Variants in PPFIA2 observed in about 807,000 individuals in gnomAD.
The protein encoded by PPFIA2 is PPFI scaffold protein A2.
PPFIA2 carries 46 observed loss-of-function variants against 175.5 expected under a neutral mutation model. That is an observed-to-expected ratio of 0.26 (90% CI 0.21 to 0.34). The LOEUF (loss-of-function observed/expected upper bound fraction) is 0.34, where lower values mean the gene tolerates loss of function less well. PPFIA2 is among the 10% of genes least tolerant of loss of function. PPFIA2 has a pLI of 1.00. For missense variants in PPFIA2, 1,179 were observed against 1,506.1 expected (o/e 0.78, Z 3.60); for synonymous variants, 568 against 511.4 (o/e 1.11, Z -1.49).
chr12:81,387,835 A>G (rs1025910047), intron 8 of PPFIA2, among the ~76,000 whole-genome samples: 1 of 152,072 alleles, frequency 6.6e-6, no homozygotes, highest in Non-Finnish European at 1.5e-5. Flanking sequence ...GGCCTTTCTG[A>G]GTTCAGTGTA....
At chr12:81,433,627 G>A (rs1408927000) in intron 7 of PPFIA2, among the ~76,000 whole-genome samples, 1 of 152,096 alleles carries the variant, frequency 6.6e-6, no homozygotes, top group Non-Finnish European at 1.5e-5. Flanking sequence ...TCAACATATT[G>A]CTGTTTATTG....
chr12:81,664,346 A>G lies in PPFIA2; in HGVS notation c.303+12445T>C, dbSNP rs572717438. ...AAGAACTCAAACAAATTTACAAGAA[A>G]AAAACAAAAAACCCCATCAAAAAGT... On this transcript the variant is annotated intron_variant, in intron 4 of 32. Transcript: ENST00000549396. 1.1e-4 allele frequency among the ~76,000 whole-genome samples: 16 copies of G among 152,262 alleles called. 1 individual carries two copies. Among genetic ancestry groups the G allele is most frequent in the African/African-American group, 3.9e-4 (16 of 41,520 alleles).
At chr12:81,381,796 T>G (rs1566568954) in intron 9 of PPFIA2, among the ~76,000 whole-genome samples, 5 of 152,164 alleles carry the variant, frequency 3.3e-5, no homozygotes, top group South Asian at 2.1e-4. Context: ...CTATCTCTTT[T>G]TTTTGTTTTG....
intron 3 of PPFIA2, among the ~76,000 whole-genome samples, chr12:81,721,329 T>G (rs1269587823): frequency 6.6e-6 from 1 of 151,366 alleles, no homozygotes; most frequent in Non-Finnish European, 1.5e-5. Context: ...CTAAGCTTAT[T>G]GCATTCCTCA....
chr12:81,684,015 G>A (rs2074075526), intron 3 of PPFIA2, among the ~76,000 whole-genome samples: 3 of 152,092 alleles, frequency 2.0e-5, no homozygotes, highest in Admixed American at 6.6e-5. Flanking sequence ...ATCTATTCAT[G>A]AGGGATCTGT....
chr12:81,425,822 GA>G, intron 7 of PPFIA2, among the ~76,000 whole-genome samples: 1 of 152,152 alleles, frequency 6.6e-6, no homozygotes, highest in Non-Finnish European at 1.5e-5. Flanking sequence ...TTTTCTACAT[GA>G]AAAATACCAT....
At chr12:81,582,505 C>T (rs532427214) in intron 4 of PPFIA2, among the ~76,000 whole-genome samples, 2 of 151,832 alleles carry the variant, frequency 1.3e-5, no homozygotes, top group South Asian at 4.1e-4. Context: ...TTTGACCCTT[C>T]TCTACAAAAG....
At chr12:81,523,870 A>G (rs1022250249) in intron 4 of PPFIA2, among the ~76,000 whole-genome samples, 2 of 152,202 alleles carry the variant, frequency 1.3e-5, no homozygotes, top group Non-Finnish European at 2.9e-5. Context: ...TTAATGAAAC[A>G]TCAGTTTGCC....
chr12:81,405,261 A>G (rs1384553390), intron 8 of PPFIA2, among the ~76,000 whole-genome samples: 1 of 152,176 alleles, frequency 6.6e-6, no homozygotes, highest in Non-Finnish European at 1.5e-5. Context: ...CATTAACAAG[A>G]GTACTGCTGA....
chr12:81,556,363 G>A (rs1037539463), intron 4 of PPFIA2, among the ~76,000 whole-genome samples: 2 of 151,864 alleles, frequency 1.3e-5, no homozygotes, highest in East Asian at 1.9e-4. Context: ...GTTTATTGGG[G>A]TCCTAACATT....
intron 4 of PPFIA2, among the ~76,000 whole-genome samples, chr12:81,588,500 G>A (rs958143490): frequency 1.3e-5 from 2 of 151,806 alleles, no homozygotes; most frequent in Admixed American, 6.6e-5. Context: ...TACTACTCAG[G>A]CAGACCTCTT....
At chr12:81,682,038 T>C (rs1200758134) in intron 3 of PPFIA2, among the ~76,000 whole-genome samples, 6 of 152,072 alleles carry the variant, frequency 3.9e-5, no homozygotes, top group Admixed American at 1.3e-4. Flanking sequence ...TTGTCAATTA[T>C]GGGCATTTTA....
At chr12:81,414,134 C>A (rs1461965312) in intron 7 of PPFIA2, among the ~76,000 whole-genome samples, 3 of 151,712 alleles carry the variant, frequency 2.0e-5, no homozygotes, top group Admixed American at 6.6e-5. Context: ...AAAGACACAA[C>A]AGAGATATTT....
At chr12:81,626,620 C>T (rs369161627) in intron 4 of PPFIA2, among the ~76,000 whole-genome samples, 38 of 152,126 alleles carry the variant, frequency 2.5e-4, no homozygotes, top group African/African-American at 8.9e-4. Flanking sequence ...GAATTGTGTG[C>T]TGCACATTAT....
intron 4 of PPFIA2, among the ~76,000 whole-genome samples, chr12:81,553,779 T>C (rs1162929101): frequency 6.6e-6 from 1 of 151,714 alleles, no homozygotes; most frequent in African/African-American, 2.4e-5. Flanking sequence ...TCCAATCAAC[T>C]CCCTGGTCAG....
At chr12:81,389,142 TATAC>T (rs995385581) in intron 8 of PPFIA2, among the ~76,000 whole-genome samples, 4 of 148,020 alleles carry the variant, frequency 2.7e-5, no homozygotes, top group Admixed American at 6.8e-5. Flanking sequence ...TATATATATA[TATAC>T]ACACACACAT....
intron 3 of PPFIA2, among the ~76,000 whole-genome samples, chr12:81,752,227 C>T (rs1399883769): frequency 1.3e-5 from 2 of 152,156 alleles, no homozygotes; most frequent in African/African-American, 4.8e-5. Flanking sequence ...TAATGAAACA[C>T]TGTATCCAGA....
At chr12:81,576,402 C>A (rs546315795) in intron 4 of PPFIA2, among the ~76,000 whole-genome samples, 54 of 151,824 alleles carry the variant, frequency 3.6e-4, no homozygotes, top group Non-Finnish European at 6.2e-4. Context: ...ATGTGGGAAA[C>A]AAAACTTCTT....
At chr12:81,622,555 TCA>T (rs2062178975) in intron 4 of PPFIA2, among the ~76,000 whole-genome samples, 1 of 152,134 alleles carries the variant, frequency 6.6e-6, no homozygotes, top group African/African-American at 2.4e-5. Context: ...AACAGCCTGC[TCA>T]GAGTTCCCAC....
Sources: gnomAD v4.1 joint callset for allele counts (sites outside exome capture counted in the v4.1 genomes callset) on GRCh38, gnomAD v4.1.1 for gene constraint, MANE v1.5 for transcripts, NCBI Gene and HGNC (gene_info 2026-07-23, HGNC 2026-07-21) for gene names.